Variants in RBM20 observed in about 807,000 individuals in gnomAD.
RBM20 encodes the protein RNA binding motif protein 20.
RBM20 carries 51 observed loss-of-function variants against 110.1 expected under a neutral mutation model. The observed-to-expected ratio is 0.46, with a 90% CI of 0.37 to 0.59. The LOEUF is 0.59. Ranked by LOEUF, RBM20 falls within the 20% of genes least tolerant of loss-of-function variation. RBM20 has a pLI of 0.00. For synonymous variants in RBM20, 589 were observed against 618.2 expected (o/e 0.95, Z 0.70); for missense variants, 1,512 against 1,574.9 (o/e 0.96, Z 0.68).
chr10:110,700,487 A>C (rs1182759336), intron 1 of RBM20, among the ~76,000 whole-genome samples: 1 of 152,218 alleles, frequency 6.6e-6, no homozygotes, highest in Non-Finnish European at 1.5e-5. Flanking sequence ...GGCTTAAACC[A>C]GAGGGACATT....
At position 110,713,158 on chromosome 10, in the gene RBM20, A is replaced by G. The variant is rs558293297; in HGVS notation, c.192-67643A>G. 1.8e-4 allele frequency among the ~76,000 whole-genome samples: 28 copies of G among 152,352 alleles called. 1 individual carries two copies. The South Asian group carries it at 5.8e-3, about 32-fold the overall frequency. The stretch of plus-strand genomic sequence containing the variant: ...CATTGACATACATACAGGCTTGACT[A>G]ACGGGGCAGATGCAGAGAAGTGGAT... On this transcript the variant is annotated intron_variant, in intron 1 of 13. Coordinates refer to ENST00000369519, the MANE Select transcript of RBM20 (RefSeq NM_001134363.3).
chr10:110,681,983 G>A (rs1037168540), intron 1 of RBM20, among the ~76,000 whole-genome samples: 5 of 151,800 alleles, frequency 3.3e-5, no homozygotes, highest in Non-Finnish European at 7.4e-5. Flanking sequence ...TCTGCCTCCC[G>A]GGTTCAGATG....
intron 1 of RBM20, among the ~76,000 whole-genome samples, chr10:110,736,535 A>G (rs1221428989): frequency 6.6e-6 from 1 of 152,200 alleles, no homozygotes; most frequent in East Asian, 1.9e-4. Flanking sequence ...TCATCTTAAA[A>G]AAAAAGAAAG....
Position 110,754,019 on chromosome 10 carries a change from A to G in RBM20, c.192-26782A>G, listed in dbSNP as rs552408876. On this transcript the variant is annotated intron_variant, in intron 1 of 13. Coordinates refer to ENST00000369519, the MANE Select transcript of RBM20 (RefSeq NM_001134363.3). Reference sequence around the variant, plus strand: ...TGAGATCTAAATTCTGAGATCCTCAACTTAATCACACCTGCAAAGTCTTTT... The same window carrying G: ...TGAGATCTAAATTCTGAGATCCTCAGCTTAATCACACCTGCAAAGTCTTTT... 9.8e-5 allele frequency among the ~76,000 whole-genome samples: 15 copies of G among 152,344 alleles called. No individual in the cohort carries two copies. The East Asian group carries it at 2.3e-3, about 23-fold the overall frequency.
chr10:110,662,406 A>G (rs1862117403), intron 1 of RBM20, among the ~76,000 whole-genome samples: 1 of 152,242 alleles, frequency 6.6e-6, no homozygotes, highest in African/African-American at 2.4e-5. Flanking sequence ...TGAGAACATC[A>G]CTGCCCTTTC....
At chr10:110,674,676 G>A (rs1190410794) in intron 1 of RBM20, among the ~76,000 whole-genome samples, 1 of 152,242 alleles carries the variant, frequency 6.6e-6, no homozygotes, top group African/African-American at 2.4e-5. Flanking sequence ...CAGGCGTTAA[G>A]ATTGATCACT....
intron 1 of RBM20, among the ~76,000 whole-genome samples, chr10:110,751,806 T>C (rs971372725): frequency 6.6e-5 from 10 of 152,162 alleles, no homozygotes; most frequent in Non-Finnish European, 1.3e-4. Context: ...AAAAACTCTA[T>C]TGATGTTGGG....
At chr10:110,661,566 A>G (rs1862102541) in intron 1 of RBM20, among the ~76,000 whole-genome samples, 1 of 152,208 alleles carries the variant, frequency 6.6e-6, no homozygotes, top group Non-Finnish European at 1.5e-5. Flanking sequence ...ACGGATACAG[A>G]GAAGTCTCAA....
chr10:110,676,280 G>C (rs1049341830), intron 1 of RBM20, among the ~76,000 whole-genome samples: 6 of 152,330 alleles, frequency 3.9e-5, no homozygotes, highest in Admixed American at 3.3e-4. Context: ...TCGCTCTGCT[G>C]GTTCCCACTT....
chr10:110,758,280 G>C (rs972267827), intron 1 of RBM20, among the ~76,000 whole-genome samples: 1 of 152,088 alleles, frequency 6.6e-6, no homozygotes. Context: ...GCCTCTCAAA[G>C]TGTTGGGATT....
At chr10:110,829,668 C>T (rs1266755527) in intron 12 of RBM20, among the ~76,000 whole-genome samples, 2 of 152,294 alleles carry the variant, frequency 1.3e-5, no homozygotes, top group East Asian at 3.9e-4. Context: ...GACAGGGTCT[C>T]CTAGGCACTT....
In RBM20 at chr10:110,784,231, C is replaced by T. The variant is rs148093210; in HGVS notation, c.1338-110C>T. ...TTGGGGACAGTTTTTGTTTGAACAC[C>T]TGTTTTCAACTATTTGGGGGTCTGC... On this transcript the variant is annotated intron_variant, in intron 3 of 13. Transcript: ENST00000369519. The T allele has an allele frequency of 1.8e-4, 134 of 747,584 alleles. No individual in the cohort carries two copies. In the African/African-American group the frequency reaches 2.2e-3, roughly 12 times the overall value. 46.3% of individuals were successfully genotyped at this position (747,584 alleles called of 1,614,324 possible).
At chr10:110,711,774 T>C (rs10509926) in intron 1 of RBM20, among the ~76,000 whole-genome samples, 34,907 of 152,190 alleles carry the variant, frequency 0.23, 4,230 homozygotes, top group Non-Finnish European at 0.26. Flanking sequence ...CTTAGTATCA[T>C]CTGCGTACAA....
intron 1 of RBM20, among the ~76,000 whole-genome samples, chr10:110,736,288 T>C (rs2134960172): frequency 6.6e-6 from 1 of 152,346 alleles, no homozygotes; most frequent in South Asian, 2.1e-4. Context: ...CAAATGCCAT[T>C]TGCACACAAT....
At chr10:110,809,752 A>G (rs1455476905) in intron 7 of RBM20, among the ~76,000 whole-genome samples, 1 of 152,220 alleles carries the variant, frequency 6.6e-6, no homozygotes, top group East Asian at 1.9e-4. Flanking sequence ...GGCACAGAGC[A>G]TGGAAAGCAT....
intron 1 of RBM20, among the ~76,000 whole-genome samples, chr10:110,760,060 C>G (rs1285447448): frequency 2.0e-5 from 3 of 152,170 alleles, no homozygotes; most frequent in Non-Finnish European, 4.4e-5. Context: ...AAGAAGCTAT[C>G]TTGATGTTGA....
chr10:110,674,087 C>T (rs1274877687), intron 1 of RBM20, among the ~76,000 whole-genome samples: 4 of 152,010 alleles, frequency 2.6e-5, no homozygotes, highest in South Asian at 4.2e-4. Context: ...TGAAGAGAGA[C>T]GATATCTCTT....
chr10:110,808,099 C>T (rs190251457), intron 7 of RBM20, among the ~76,000 whole-genome samples: 5 of 152,324 alleles, frequency 3.3e-5, no homozygotes, highest in Non-Finnish European at 4.4e-5. Context: ...ATACAGTAGC[C>T]GGAGTTCATT....
intron 1 of RBM20, among the ~76,000 whole-genome samples, chr10:110,666,018 G>GAGAGAGGGGAA (rs1195192167): frequency 1.8e-4 from 17 of 95,730 alleles, no homozygotes; most frequent in African/African-American, 5.0e-4. Flanking sequence ...AGAGAGAGAG[G>GAGAGAGGGGAA]GGAAGGAAGG....
Sources: gnomAD v4.1 joint callset for allele counts (sites outside exome capture counted in the v4.1 genomes callset) on GRCh38, gnomAD v4.1.1 for gene constraint, MANE v1.5 for transcripts, NCBI Gene and HGNC (gene_info 2026-07-23, HGNC 2026-07-21) for gene names.